The following SPATA17 variants were observed in gnomAD, a reference collection of about 807,000 sequenced individuals.
SPATA17 encodes the protein spermatogenesis associated 17.
In SPATA17, 53 loss-of-function variants were observed where a neutral mutation model predicts 62.2. That is an observed-to-expected ratio of 0.85 (90% CI 0.68 to 1.07). The LOEUF is 1.07. Among genes scored for constraint, SPATA17 ranks in the 50% least tolerant of loss-of-function variants. The pLI is 0.00. For missense variants in SPATA17, 466 were observed against 425.5 expected (o/e 1.10, Z -0.84); for synonymous variants, 146 against 146.8 (o/e 0.99, Z 0.04).
intron 6 of SPATA17, among the ~76,000 whole-genome samples, chr1:217,742,614 G>T (rs1215028177): frequency 6.6e-6 from 1 of 152,168 alleles, no homozygotes; most frequent in Non-Finnish European, 1.5e-5. Flanking sequence ...GGAATACTTA[G>T]ACATTTATTT....
intron 7 of SPATA17, 25 bp from the exon 8 acceptor site, chr1:217,782,149 T>C (rs571144399): frequency 6.4e-7 from 1 of 1,557,274 alleles, no homozygotes; most frequent in African/African-American, 1.4e-5. Context: ...CCATATAAAA[T>C]ATGTTCCTCA....
At chr1:217,804,393 A>C (rs1393634841) in intron 9 of SPATA17, among the ~76,000 whole-genome samples, 1 of 152,228 alleles carries the variant, frequency 6.6e-6, no homozygotes, top group Non-Finnish European at 1.5e-5. Flanking sequence ...CACCATATGC[A>C]AATATCAACT....
At chr1:217,785,840 A>G (rs1033054988) in intron 8 of SPATA17, among the ~76,000 whole-genome samples, 1 of 152,154 alleles carries the variant, frequency 6.6e-6, no homozygotes, top group Non-Finnish European at 1.5e-5. Flanking sequence ...AAATAGGACA[A>G]TAATAATAAA....
rs753850182 is a variant in SPATA17, at chr1:217,777,140, A to G, written c.723+2603A>G. Reference sequence around the variant, plus strand: ...GACAGCCCTGCATTCTATTTCATTAAAAATCTCCCACTTTACTGTAATTAT... The same window carrying G: ...GACAGCCCTGCATTCTATTTCATTAGAAATCTCCCACTTTACTGTAATTAT... On this transcript the variant is annotated intron_variant, in intron 7 of 10. Coordinates refer to ENST00000366933, the MANE Select transcript of SPATA17 (RefSeq NM_138796.4). Among the ~76,000 whole-genome samples the G allele has an allele frequency of 2.6e-5, 4 of 152,240 alleles. No homozygotes were observed. The East Asian group carries it at 7.7e-4, about 29-fold the overall frequency.
intron 5 of SPATA17, among the ~76,000 whole-genome samples, chr1:217,726,357 C>G (rs1558581292): frequency 1.3e-5 from 2 of 152,202 alleles, no homozygotes; most frequent in Non-Finnish European, 2.9e-5. Flanking sequence ...TCATTCTCCT[C>G]CAGTCCAATT....
intron 5 of SPATA17, among the ~76,000 whole-genome samples, chr1:217,707,229 G>T (rs1293988272): frequency 6.6e-6 from 1 of 151,988 alleles, no homozygotes; most frequent in African/African-American, 2.4e-5. Flanking sequence ...TCTCGGCTTG[G>T]ATGTTGTTGG....
intron 6 of SPATA17, among the ~76,000 whole-genome samples, chr1:217,771,225 C>CT (rs914802749): frequency 2.2e-4 from 32 of 142,902 alleles, no homozygotes; most frequent in African/African-American, 3.6e-4. Context: ...TAGGCTTTTT[C>CT]TTTTTTTTTT....
At chr1:217,811,041 A>G (rs1355869204) in intron 9 of SPATA17, among the ~76,000 whole-genome samples, 1 of 151,930 alleles carries the variant, frequency 6.6e-6, no homozygotes, top group Non-Finnish European at 1.5e-5. Context: ...TTATTTATTT[A>G]TTTATTTTTT....
At chr1:217,755,461 TAGC>T in intron 6 of SPATA17, among the ~76,000 whole-genome samples, 1 of 152,040 alleles carries the variant, frequency 6.6e-6, no homozygotes, top group South Asian at 2.1e-4. Context: ...CATATCTCAG[TAGC>T]TAGTATTATG....
chr1:217,779,771 A>G (rs2102975416), intron 7 of SPATA17, among the ~76,000 whole-genome samples: 1 of 152,216 alleles, frequency 6.6e-6, no homozygotes, highest in East Asian at 1.9e-4. Context: ...CCCAAATGAT[A>G]ATATTTGTAC....
intron 6 of SPATA17, among the ~76,000 whole-genome samples, chr1:217,765,863 ATTG>A (rs1346521799): frequency 2.6e-5 from 4 of 152,042 alleles, no homozygotes; most frequent in Admixed American, 2.6e-4. Flanking sequence ...CACTTTACAA[ATTG>A]TTGTGTCTTC....
At chr1:217,742,485 G>A (rs979329351) in intron 6 of SPATA17, among the ~76,000 whole-genome samples, 2 of 152,178 alleles carry the variant, frequency 1.3e-5, no homozygotes, top group African/African-American at 4.8e-5. Context: ...TTGAGCTAAC[G>A]TTGAGATTAA....
chr1:217,716,987 G>A (rs1393107437), intron 5 of SPATA17, among the ~76,000 whole-genome samples: 4 of 152,180 alleles, frequency 2.6e-5, no homozygotes, highest in Non-Finnish European at 4.4e-5. Context: ...AAATAATGGC[G>A]GATCTAGAGG....
chr1:217,799,874 T>A (rs1674261544), intron 8 of SPATA17, among the ~76,000 whole-genome samples: 1 of 152,182 alleles, frequency 6.6e-6, no homozygotes, highest in Middle Eastern at 3.4e-3. Context: ...ACTTTTTTTT[T>A]AAGTCTGAAT....
At chr1:217,852,819 C>A (rs571843404) in intron 9 of SPATA17, among the ~76,000 whole-genome samples, 1 of 152,276 alleles carries the variant, frequency 6.6e-6, no homozygotes, top group South Asian at 2.1e-4. Flanking sequence ...ACACTCTCAC[C>A]TCCTTTGGGT....
At chr1:217,747,774 C>T (rs1672798514) in intron 6 of SPATA17, among the ~76,000 whole-genome samples, 1 of 152,026 alleles carries the variant, frequency 6.6e-6, no homozygotes, top group African/African-American at 2.4e-5. Context: ...ATTTTCATGT[C>T]ATAATTTATA....
At chr1:217,851,181 G>T (rs1311533878) in intron 9 of SPATA17, among the ~76,000 whole-genome samples, 1 of 151,936 alleles carries the variant, frequency 6.6e-6, no homozygotes, top group Non-Finnish European at 1.5e-5. Flanking sequence ...TCTTATTCTT[G>T]TCTCAGTTTT....
chr1:217,721,101 T>C (rs1672116204), intron 5 of SPATA17, among the ~76,000 whole-genome samples: 1 of 152,254 alleles, frequency 6.6e-6, no homozygotes, highest in African/African-American at 2.4e-5. Context: ...AACAACTTTT[T>C]ATTCCTTTAA....
intron 6 of SPATA17, among the ~76,000 whole-genome samples, chr1:217,752,906 G>C (rs555602998): frequency 6.6e-6 from 1 of 152,232 alleles, no homozygotes; most frequent in East Asian, 1.9e-4. Context: ...AGGTATTTCT[G>C]TTTTGGGATT....
Sources: gnomAD v4.1 joint callset for allele counts (sites outside exome capture counted in the v4.1 genomes callset) on GRCh38, gnomAD v4.1.1 for gene constraint, MANE v1.5 for transcripts, NCBI Gene and HGNC (gene_info 2026-07-23, HGNC 2026-07-21) for gene names.